PDE6A: variants seen among roughly 807,000 people sequenced by gnomAD.
PDE6A encodes rod cGMP-specific 3',5'-cyclic phosphodiesterase subunit alpha.
A neutral mutation model predicts 106.3 loss-of-function variants in PDE6A; 84 were observed. The observed-to-expected ratio is 0.79, with a 90% CI of 0.66 to 0.95. PDE6A has a LOEUF of 0.95. Among genes scored for constraint, PDE6A ranks in the 40% least tolerant of loss-of-function variants. The pLI is 0.00. For missense variants in PDE6A, 1,052 were observed against 1,084.9 expected (o/e 0.97, Z 0.43); for synonymous variants, 394 against 386.6 (o/e 1.02, Z -0.23).
intron 1 of PDE6A, among the ~76,000 whole-genome samples, chr5:149,935,669 C>A (rs1413807389): frequency 6.6e-6 from 1 of 152,186 alleles, no homozygotes; most frequent in Non-Finnish European, 1.5e-5. Flanking sequence ...ACCATGCGGT[C>A]AGGATGAAAA....
intron 12 of PDE6A, 25 bp from the exon 13 acceptor site, chr5:149,895,315 G>A (rs770111958): frequency 6.8e-6 from 10 of 1,465,272 alleles, no homozygotes; most frequent in Non-Finnish European, 8.6e-6. Context: ...ACATCAGTGA[G>A]GCAGGACACA....
At chr5:149,912,220 C>A (rs1017605041) in intron 6 of PDE6A, among the ~76,000 whole-genome samples, 2 of 152,152 alleles carry the variant, frequency 1.3e-5, no homozygotes, top group African/African-American at 4.8e-5. Context: ...TAGGCTCAAG[C>A]AATCCTCCTG....
chr5:149,861,514 G>A (rs948113586), intron 21 of PDE6A, among the ~76,000 whole-genome samples: 8 of 152,306 alleles, frequency 5.3e-5, no homozygotes, highest in African/African-American at 1.9e-4. Context: ...GCCAGGCATG[G>A]TTGCATACAC....
chr5:149,918,541 T>A (rs565098182), intron 5 of PDE6A, among the ~76,000 whole-genome samples: 2 of 152,226 alleles, frequency 1.3e-5, no homozygotes, highest in Non-Finnish European at 2.9e-5. Context: ...AACTTTTCAC[T>A]GTGCTCATAT....
intron 6 of PDE6A, among the ~76,000 whole-genome samples, chr5:149,910,416 T>C (rs1310013703): frequency 6.6e-6 from 1 of 152,224 alleles, no homozygotes; most frequent in East Asian, 1.9e-4. Flanking sequence ...AATTAACCTA[T>C]AACGTAATCT....
intron 12 of PDE6A, 97 bp downstream of exon 12, chr5:149,896,259 A>T: frequency 1.0e-6 from 1 of 1,003,292 alleles, no homozygotes; most frequent in Non-Finnish European, 1.5e-6. Context: ...CTGAGAGTAA[A>T]CTCTTTTTAA....
rs925561275 is a variant in PDE6A at position 149,859,653 on chromosome 5, A to G, written c.*1242T>C. The stretch of plus-strand genomic sequence containing the variant: ...ATGGATCAGTCATTGGGTGTAGGCC[A>G]CCCTGGGGAAGGCTGCAGTAACACC... On this transcript the variant is annotated 3_prime_UTR_variant, in exon 22 of 22. Coordinates refer to ENST00000255266, the MANE Select transcript of PDE6A (RefSeq NM_000440.3). 1 of 152,244 alleles carries G rather than the reference A, an allele frequency of 6.6e-6. No individual in the cohort carries two copies. Among genetic ancestry groups the G allele is most frequent in the Non-Finnish European group, 1.5e-5 (1 of 68,116 alleles). 9.4% of individuals were successfully genotyped at this position (152,244 alleles called of 1,614,324 possible). A position where few individuals can be genotyped will look rare whatever the true frequency, so the allele number is the denominator to read the frequency against.
intron 17 of PDE6A, among the ~76,000 whole-genome samples, chr5:149,876,745 A>G (rs535106478): frequency 9.2e-5 from 14 of 152,282 alleles, no homozygotes; most frequent in African/African-American, 3.4e-4. Context: ...AGCTCAGGCA[A>G]TCTGCCCGTC....
intron 13 of PDE6A, among the ~76,000 whole-genome samples, chr5:149,894,002 G>A (rs1416757575): frequency 6.6e-6 from 1 of 152,148 alleles, no homozygotes; most frequent in African/African-American, 2.4e-5. Flanking sequence ...TGGGGCTCCT[G>A]GGGGCTCACT....
intron 20 of PDE6A, among the ~76,000 whole-genome samples, chr5:149,865,461 A>T (rs1424163130): frequency 6.6e-6 from 1 of 152,038 alleles, no homozygotes; most frequent in Non-Finnish European, 1.5e-5. Flanking sequence ...AAAAAAAAGA[A>T]ATATTACTGA....
intron 17 of PDE6A, among the ~76,000 whole-genome samples, chr5:149,869,245 G>A (rs923813769): frequency 1.3e-5 from 2 of 151,398 alleles, no homozygotes; most frequent in Admixed American, 1.3e-4. Context: ...CAGGAGAATC[G>A]CTTGAACTCG....
intron 3 of PDE6A, 86 bp from the exon 4 acceptor site, chr5:149,931,254 G>T: frequency 2.4e-6 from 3 of 1,254,616 alleles, no homozygotes; most frequent in East Asian, 2.4e-5. Context: ...ATTCTGTAAA[G>T]TTGTCTGGAG....
rs766797276 is a variant in PDE6A at position 149,883,546 on chromosome 5, A to G, written c.2028-10T>C. ...GAACATCGTCCTCTTCCTACAAAAC[A>G]TATCAGTCTAGTAAAGGGAGCAAGT... On this transcript the variant is annotated splice_polypyrimidine_tract_variant and intron_variant, in intron 16 of 21. Transcript: ENST00000255266. The G allele has an allele frequency of 5.7e-6, 9 of 1,577,210 alleles. No homozygotes were observed. The highest frequency in any genetic ancestry group is 6.1e-6 in the Non-Finnish European group (7 of 1,147,022).
chr5:149,880,457 T>C (rs904487342), intron 17 of PDE6A, among the ~76,000 whole-genome samples: 2 of 152,094 alleles, frequency 1.3e-5, no homozygotes, highest in African/African-American at 2.4e-5. Context: ...ACACCTGTAA[T>C]CCCAGCACTT....
rs201995616 is a variant in PDE6A at position 149,933,826 on chromosome 5, G to GGATGAT, written c.717+103_717+104insATCATC. ...ACACTCGTGATGCTGGCCAGAGACT[G>GGATGAT]GCTTCCTAGGCACCTTCATTCCCAT... is the stretch of plus-strand genomic sequence containing the variant. On this transcript the variant is annotated intron_variant, in intron 3 of 21. Transcript: ENST00000255266. The GGATGAT allele has an allele frequency of 1.9e-3, 1,533 of 792,484 alleles. 18 individuals are homozygous for GGATGAT. The African/African-American group carries it at 0.023, about 12-fold the overall frequency. 49.1% of individuals were successfully genotyped at this position (792,484 alleles called of 1,614,324 possible).
chr5:149,895,185 C>T lies in PDE6A; in HGVS notation c.1726G>A (p.Val576Met). ...CAGCCCCACCGGCCCCGCCATACCA[C>T]CAGCAGGGAGAACATGGTCTGCCCC... ...NVGQTMFSLL[V>M]TGKLKRYFTD... Residue 576 changes from valine to methionine, a missense_variant and splice_region_variant, in exon 13 of 22, where the codon GTG (valine) becomes ATG (methionine). By Grantham distance (21) the Val-to-Met change is conservative. Around this residue, in one of 3 missense-constraint regions of PDE6A, gnomAD observed 913 missense variants for 915.2 expected, o/e 1.00. Coordinates refer to ENST00000255266, the MANE Select transcript of PDE6A (RefSeq NM_000440.3). The T allele has an allele frequency of 1.2e-6, 2 of 1,608,368 alleles. No individual in the cohort carries two copies. Among genetic ancestry groups the T allele is most frequent in the South Asian group, 2.2e-5 (2 of 90,978 alleles).
chr5:149,859,206 T>G lies in PDE6A; in HGVS notation c.*1689A>C, dbSNP rs751489226. On this transcript the variant is annotated 3_prime_UTR_variant, in exon 22 of 22. Coordinates refer to ENST00000255266, the MANE Select transcript of PDE6A (RefSeq NM_000440.3). ...GGAATTGAGAATAATCTGACTTAAT[T>G]TATACTCTGTGAAATCAATGAAAAA... 2.6e-5 allele frequency: 4 copies of G among 152,194 alleles called. No homozygotes were observed. Among genetic ancestry groups the G allele is most frequent in the African/African-American group, 4.8e-5 (2 of 41,444 alleles). The allele number at this position is 152,194 out of a possible 1,614,324, so 9.4% of individuals were successfully genotyped here.
intron 5 of PDE6A, among the ~76,000 whole-genome samples, chr5:149,918,410 C>T (rs1170771314): frequency 2.6e-5 from 4 of 152,058 alleles, no homozygotes; most frequent in African/African-American, 9.7e-5. Context: ...TGGTGGAATA[C>T]GTATACTTCT....
intron 6 of PDE6A, among the ~76,000 whole-genome samples, chr5:149,912,422 TATC>T (rs1337523461): frequency 2.0e-5 from 3 of 152,238 alleles, no homozygotes; most frequent in African/African-American, 7.2e-5. Context: ...TCTGGCTGTC[TATC>T]CTGGGCACAA....
Sources: gnomAD v4.1 joint callset for allele counts (sites outside exome capture counted in the v4.1 genomes callset) on GRCh38, gnomAD v4.1.1 for gene constraint, gnomAD v4.1.1 regional missense constraint, MANE v1.5 for transcripts, NCBI Gene and HGNC (gene_info 2026-07-23, HGNC 2026-07-21) for gene names.